The following DERL1 variants were observed in gnomAD, a reference collection of about 807,000 sequenced individuals.
The protein encoded by DERL1 is derlin-1.
In DERL1, 24 loss-of-function variants were observed where a neutral mutation model predicts 41.6. The observed-to-expected ratio is 0.58, with a 90% CI of 0.42 to 0.81. DERL1 has a LOEUF of 0.81. Ranked by LOEUF, DERL1 falls within the 30% of genes least tolerant of loss-of-function variation. The probability of loss-of-function intolerance (pLI) is 0.00; values close to 1 mark genes in which losing one functional copy is unlikely to be tolerated. For synonymous variants in DERL1, 124 were observed against 112.5 expected (o/e 1.10, Z -0.65); for missense variants, 260 against 314.3 (o/e 0.83, Z 1.31).
intron 6 of DERL1, 108 bp downstream of exon 6, chr8:123,021,339 C>T (rs1814759554): frequency 1.3e-5 from 13 of 1,011,106 alleles, no homozygotes; most frequent in South Asian, 4.2e-5. Flanking sequence ...GGTTCTAATG[C>T]GTCAATGTTG....
chr8:123,027,705 T>C (rs1344362798), intron 2 of DERL1, among the ~76,000 whole-genome samples: 1 of 152,162 alleles, frequency 6.6e-6, no homozygotes, highest in Non-Finnish European at 1.5e-5. Flanking sequence ...ATTTGTTGTA[T>C]TACCTGACCA....
chr8:123,042,055 A>G lies in DERL1; in HGVS notation c.68T>C (p.Val23Ala), dbSNP rs754574395. Residue 23 changes from valine to alanine, a missense_variant, in exon 1 of 8, where the codon GTC becomes GCC. Physicochemically the swap from Val to Ala is moderately conservative, Grantham distance 64. Coordinates refer to ENST00000259512, the MANE Select transcript of DERL1 (RefSeq NM_024295.6). ...GAGTTTGCCGACCAAGGGCACGGCG[A>G]CGGTGGCGGCGAACCAATAGCGCGT... is the stretch of plus-strand genomic sequence containing the variant. ...AITRYWFAAT[V>A]AVPLVGKLGL... 4.3e-6 allele frequency: 7 copies of G among 1,613,976 alleles called. No individual in the cohort carries two copies. In the South Asian group the frequency reaches 7.7e-5, roughly 18 times the overall value.
At chr8:123,041,948 GC>G in intron 1 of DERL1, 21 bp downstream of exon 1, 1 of 1,588,124 alleles carries the variant, frequency 6.3e-7, no homozygotes. Flanking sequence ...TAGTCTCCAC[GC>G]CCCCCGTCTC....
chr8:123,038,612 T>C (rs942473099), intron 1 of DERL1, among the ~76,000 whole-genome samples: 3 of 152,210 alleles, frequency 2.0e-5, no homozygotes, highest in African/African-American at 7.2e-5. Flanking sequence ...ACATTGCTTC[T>C]TTACAATGTG....
At chr8:123,038,046 G>C (rs1812965441) in intron 1 of DERL1, among the ~76,000 whole-genome samples, 1 of 152,168 alleles carries the variant, frequency 6.6e-6, no homozygotes, top group Admixed American at 6.5e-5. Context: ...AGTATAATGA[G>C]TCTTAACACA....
chr8:123,026,487 A>C (rs1463464117), intron 2 of DERL1, among the ~76,000 whole-genome samples: 2 of 152,200 alleles, frequency 1.3e-5, no homozygotes, highest in African/African-American at 4.8e-5. Context: ...AAATAAGCCA[A>C]CTCTGCTATA....
rs781680601 is a variant in DERL1, at chr8:123,015,603, G to A, written c.618-18C>T. The A allele has an allele frequency of 5.0e-6, 8 of 1,601,812 alleles. No individual in the cohort carries two copies. In the East Asian group the frequency reaches 1.6e-4, roughly 31 times the overall value. On this transcript the variant is annotated intron_variant, in intron 7 of 7. Coordinates refer to ENST00000259512, the MANE Select transcript of DERL1 (RefSeq NM_024295.6). The stretch of plus-strand genomic sequence containing the variant: ...AGCGGTACCTGGTGCAGAAAGACGG[G>A]GACACAAACGGAGAGAAGAGAACAA...
At chr8:123,022,906 C>A in intron 4 of DERL1, 127 bp from the exon 5 acceptor site, 1 of 625,686 alleles carries the variant, frequency 1.6e-6, no homozygotes, top group Non-Finnish European at 2.9e-6. Flanking sequence ...CTCAACTGAT[C>A]AGAATTATAA....
chr8:123,032,618 G>A (rs1812840701), intron 1 of DERL1, among the ~76,000 whole-genome samples: 1 of 152,156 alleles, frequency 6.6e-6, no homozygotes, highest in Non-Finnish European at 1.5e-5. Flanking sequence ...AAGTGTTCAT[G>A]GTTTTATTTT....
intron 2 of DERL1, among the ~76,000 whole-genome samples, chr8:123,029,650 T>A (rs983574805): frequency 6.6e-6 from 1 of 152,230 alleles, no homozygotes; most frequent in African/African-American, 2.4e-5. Flanking sequence ...ACACAGTGTA[T>A]TGATGTATTG....
chr8:123,015,376 G>A lies in DERL1; in HGVS notation c.*71C>T, dbSNP rs1007003895. On this transcript the variant is annotated 3_prime_UTR_variant, in exon 8 of 8. Transcript: ENST00000259512. ...CAGGTCCAACAGTGTTAGCCAGAAC[G>A]CAGTTGTTAAGTGCACCCAGCACTG... is the stretch of plus-strand genomic sequence containing the variant. 3.1e-5 allele frequency: 48 copies of A among 1,563,124 alleles called. No individual in the cohort carries two copies. Among genetic ancestry groups the A allele is most frequent in the Admixed American group, 5.3e-5 (3 of 56,152 alleles).
Position 123,015,500 on chromosome 8 carries a change from C to G in DERL1, c.703G>C (p.Gly235Arg). 2 of 1,613,672 alleles carry G rather than the reference C, an allele frequency of 1.2e-6. No homozygotes were observed. Among genetic ancestry groups the G allele is most frequent in the Non-Finnish European group, 1.7e-6 (2 of 1,179,846 alleles). ...ASMRRAADQN[G>R]GGGRHNWGQG... ...CCCCAGTTGTGTCTCCCGCCTCCGC[C>G]ATTCTGATCAGCAGCTCGCCTCATG... The change falls in exon 8 of 8, where the codon GGC becomes CGC. Residue 235 changes from glycine (G) to arginine (R), a missense_variant. Coordinates refer to ENST00000259512, the MANE Select transcript of DERL1 (RefSeq NM_024295.6).
At chr8:123,041,925 C>T (rs1227376523) in intron 1 of DERL1, 45 bp downstream of exon 1, 1 of 1,534,462 alleles carries the variant, frequency 6.5e-7, no homozygotes, top group Admixed American at 2.0e-5. Flanking sequence ...GCCGCTGGGC[C>T]TCCTGGGGCC....
chr8:123,029,054 C>T (rs1314779410), intron 2 of DERL1, among the ~76,000 whole-genome samples: 3 of 150,800 alleles, frequency 2.0e-5, no homozygotes, highest in African/African-American at 4.9e-5. Context: ...GGTGACAGAG[C>T]AAGACCCTGT....
chr8:123,032,311 T>G (rs1812834012), intron 1 of DERL1, among the ~76,000 whole-genome samples: 1 of 152,074 alleles, frequency 6.6e-6, no homozygotes, highest in Non-Finnish European at 1.5e-5. Context: ...ATTTTTATAT[T>G]TTTTGTAGAT....
intron 6 of DERL1, among the ~76,000 whole-genome samples, chr8:123,019,970 C>T (rs1444006518): frequency 6.6e-6 from 1 of 152,202 alleles, no homozygotes; most frequent in African/African-American, 2.4e-5. Context: ...GGCAAATCAA[C>T]ACCTGCAACT....
chr8:123,040,562 T>A (rs140415767), intron 1 of DERL1, among the ~76,000 whole-genome samples: 8 of 152,140 alleles, frequency 5.3e-5, no homozygotes, highest in African/African-American at 1.9e-4. Flanking sequence ...ATTTTACTCA[T>A]TAAGAAGACA....
intron 1 of DERL1, among the ~76,000 whole-genome samples, chr8:123,030,969 A>G (rs1812807154): frequency 6.6e-6 from 1 of 152,260 alleles, no homozygotes; most frequent in Non-Finnish European, 1.5e-5. Context: ...AAACAAAATC[A>G]ATACTATATG....
chr8:123,037,759 TG>T (rs1430415093), intron 1 of DERL1, among the ~76,000 whole-genome samples: 15 of 152,246 alleles, frequency 9.9e-5, no homozygotes, highest in Admixed American at 4.6e-4. Context: ...GTCTACAAAA[TG>T]GGGGTAACAC....
Sources: allele counts gnomAD v4.1 joint callset (sites outside exome capture counted in the v4.1 genomes callset), GRCh38; gene constraint gnomAD v4.1.1; transcripts MANE v1.5; gene names NCBI Gene and HGNC (gene_info 2026-07-23, HGNC 2026-07-21).